PCDH9: variants seen among roughly 807,000 people sequenced by gnomAD.
PCDH9 encodes the protein protocadherin-9.
A neutral mutation model predicts 70.6 loss-of-function variants in PCDH9; 24 were observed. That is an observed-to-expected ratio of 0.34 (90% CI 0.25 to 0.48). The LOEUF (loss-of-function observed/expected upper bound fraction) is 0.48, where lower values mean the gene tolerates loss of function less well. PCDH9 is among the 20% of genes least tolerant of loss of function. PCDH9 has a pLI of 0.99. For missense variants in PCDH9, 1,281 were observed against 1,503.6 expected (o/e 0.85, Z 2.45); for synonymous variants, 562 against 558.5 (o/e 1.01, Z -0.09).
intron 3 of PCDH9, among the ~76,000 whole-genome samples, chr13:66,801,214 G>A (rs1165443338): frequency 3.3e-5 from 5 of 151,902 alleles, no homozygotes; most frequent in Non-Finnish European, 5.9e-5. Context: ...TCTAGTGAAG[G>A]TTAAGCAATA....
chr13:66,533,486 A>G (rs1388213428), intron 4 of PCDH9, among the ~76,000 whole-genome samples: 2 of 152,096 alleles, frequency 1.3e-5, no homozygotes, highest in Non-Finnish European at 2.9e-5. Context: ...TTTAACTATT[A>G]GTTATTTTTA....
chr13:66,967,355 A>G (rs1390002422), intron 2 of PCDH9, among the ~76,000 whole-genome samples: 1 of 152,100 alleles, frequency 6.6e-6, no homozygotes, highest in East Asian at 1.9e-4. Context: ...ATAGCTATTT[A>G]AATTTAAACT....
chr13:67,009,611 G>A (rs1226625566), intron 2 of PCDH9, among the ~76,000 whole-genome samples: 1 of 151,800 alleles, frequency 6.6e-6, no homozygotes, highest in Non-Finnish European at 1.5e-5. Context: ...TCCTTATTTA[G>A]TCAGGAGATT....
intron 4 of PCDH9, among the ~76,000 whole-genome samples, chr13:66,563,131 T>A (rs1704900955): frequency 6.6e-6 from 1 of 152,146 alleles, no homozygotes; most frequent in Non-Finnish European, 1.5e-5. Context: ...CTTTGTTGTG[T>A]TGTATGTTCT....
At chr13:66,345,414 G>A (rs1956197791) in intron 4 of PCDH9, among the ~76,000 whole-genome samples, 1 of 151,932 alleles carries the variant, frequency 6.6e-6, no homozygotes, top group Non-Finnish European at 1.5e-5. Flanking sequence ...TATCAGGCAG[G>A]GTTGTTTAAA....
intron 4 of PCDH9, among the ~76,000 whole-genome samples, chr13:66,422,427 A>G (rs1322168059): frequency 1.3e-5 from 2 of 152,216 alleles, no homozygotes; most frequent in Non-Finnish European, 2.9e-5. Context: ...CTCCTCAGCA[A>G]ATGCAAAAGA....
intron 4 of PCDH9, among the ~76,000 whole-genome samples, chr13:66,350,057 A>T (rs1055812900): frequency 1.3e-5 from 2 of 152,084 alleles, no homozygotes; most frequent in Non-Finnish European, 2.9e-5. Flanking sequence ...ATAGTATCTA[A>T]TCCTGCAGCT....
chr13:66,666,427 G>GTTTTTTTTTTTTT (rs5804288), intron 3 of PCDH9, among the ~76,000 whole-genome samples: 1 of 149,610 alleles, frequency 6.7e-6, no homozygotes, highest in Non-Finnish European at 1.5e-5. Flanking sequence ...GATGTTCTGT[G>GTTTTTTTTTTTTT]TTTTTTTTTT....
intron 4 of PCDH9, among the ~76,000 whole-genome samples, chr13:66,432,349 A>G (rs781640691): frequency 6.6e-6 from 1 of 151,980 alleles, no homozygotes; most frequent in East Asian, 1.9e-4. Context: ...ATGACGTCTG[A>G]GCCTTGAGGT....
At chr13:66,646,980 C>T (rs1015792484) in intron 3 of PCDH9, among the ~76,000 whole-genome samples, 2 of 152,130 alleles carry the variant, frequency 1.3e-5, no homozygotes, top group Admixed American at 1.3e-4. Context: ...GGGCAGAACT[C>T]AGCCAGTGCC....
intron 2 of PCDH9, among the ~76,000 whole-genome samples, chr13:67,163,646 T>C (rs1025068482): frequency 1.3e-5 from 2 of 152,232 alleles, no homozygotes; most frequent in Non-Finnish European, 2.9e-5. Flanking sequence ...TGAGAAAAGT[T>C]TGTTTTTAAT....
At chr13:66,758,595 G>A (rs543937628) in intron 3 of PCDH9, among the ~76,000 whole-genome samples, 62 of 151,782 alleles carry the variant, frequency 4.1e-4, no homozygotes, top group African/African-American at 1.5e-3. Flanking sequence ...TTTTGGTTGT[G>A]TTTTTGTCTG....
intron 3 of PCDH9, among the ~76,000 whole-genome samples, chr13:66,669,829 A>C (rs992237512): frequency 1.3e-5 from 2 of 152,218 alleles, no homozygotes; most frequent in African/African-American, 2.4e-5. Context: ...CTTTGTATAT[A>C]AAATGTGTTA....
At position 67,227,542 on chromosome 13, in the gene PCDH9, T is replaced by C; in HGVS notation, c.899A>G (p.Lys300Arg). The stretch of plus-strand genomic sequence containing the variant: ...AGTATTATTTAAAGCAAAGAGTCTT[T>C]TGGTTGCAGGGGCGACCTGGGCACC... ...IFGAQVAPATKRLFALNNTTG... is the reference protein window; with the variant it reads ...IFGAQVAPATRRLFALNNTTG... The change falls in exon 2 of 5, where the codon AAA (lysine) becomes AGA (arginine). Residue 300 changes from lysine (K) to arginine (R), a missense_variant. Around this residue, in one of 4 missense-constraint regions of PCDH9, gnomAD observed 798 missense variants for 1,003.1 expected, o/e 0.80. Coordinates refer to ENST00000377865, the MANE Select transcript of PCDH9 (RefSeq NM_203487.3). The surrounding 1 kb of genome is among the most constrained non-coding windows in gnomAD (Gnocchi z 4.6). 6.2e-7 allele frequency: 1 copy of C among 1,614,046 alleles called. No individual in the cohort carries two copies. The highest frequency in any genetic ancestry group is 8.5e-7 in the Non-Finnish European group (1 of 1,179,926).
chr13:66,457,385 A>G (rs1040768993), intron 4 of PCDH9, among the ~76,000 whole-genome samples: 1 of 152,098 alleles, frequency 6.6e-6, no homozygotes, highest in Non-Finnish European at 1.5e-5. Context: ...CAAATAATTC[A>G]CCTTGCTTTT....
chr13:66,325,174 T>G (rs1004656622), intron 4 of PCDH9, among the ~76,000 whole-genome samples: 24 of 152,026 alleles, frequency 1.6e-4, no homozygotes, highest in Admixed American at 1.4e-3. Context: ...TGATGTGTAT[T>G]TTTACAATGA....
At chr13:66,314,016 C>T (rs1302790455) in intron 4 of PCDH9, among the ~76,000 whole-genome samples, 5 of 152,152 alleles carry the variant, frequency 3.3e-5, no homozygotes, top group African/African-American at 9.7e-5. Context: ...CTTACCATCA[C>T]TTTAAATTAA....
chr13:67,110,574 G>A (rs1454998467), intron 2 of PCDH9, among the ~76,000 whole-genome samples: 2 of 150,448 alleles, frequency 1.3e-5, no homozygotes, highest in South Asian at 4.2e-4. Flanking sequence ...TAAGGGATCT[G>A]TGTGACTTTT....
chr13:66,497,127 G>T (rs1377951216), intron 4 of PCDH9, among the ~76,000 whole-genome samples: 3 of 151,756 alleles, frequency 2.0e-5, no homozygotes, highest in Non-Finnish European at 2.9e-5. Context: ...AAGTGTAATG[G>T]CGGGATCTTG....
Sources: allele counts gnomAD v4.1 joint callset (sites outside exome capture counted in the v4.1 genomes callset), GRCh38; gene constraint gnomAD v4.1.1; regional missense constraint gnomAD v4.1.1; non-coding constraint Gnocchi (gnomAD v3.1); transcripts MANE v1.5; gene names NCBI Gene and HGNC (gene_info 2026-07-23, HGNC 2026-07-21).